The following TRAF3IP3 variants were observed in gnomAD, a reference collection of about 807,000 sequenced individuals.
TRAF3IP3 encodes the protein TRAF3-interacting JNK-activating modulator.
TRAF3IP3 carries 64 observed loss-of-function variants against 86.5 expected under a neutral mutation model. That is an observed-to-expected ratio of 0.74 (90% CI 0.60 to 0.91). The LOEUF is 0.91. Among genes scored for constraint, TRAF3IP3 ranks in the 40% least tolerant of loss-of-function variants. The pLI, the probability that TRAF3IP3 is intolerant of heterozygous loss-of-function variation, is 0.00. For synonymous variants in TRAF3IP3, 220 were observed against 243.9 expected (o/e 0.90, Z 0.91); for missense variants, 579 against 642.9 (o/e 0.90, Z 1.07).
chr1:209,775,189 G>C (rs1490969664), intron 9 of TRAF3IP3, 160 bp from the exon 10 acceptor site: 11 of 680,252 alleles, frequency 1.6e-5, no homozygotes, highest in Admixed American at 1.1e-4. Context: ...ATTGCCTGAG[G>C]GACTCTTCTT....
At chr1:209,763,957 A>T (rs905950397) in intron 8 of TRAF3IP3, among the ~76,000 whole-genome samples, 6 of 152,222 alleles carry the variant, frequency 3.9e-5, no homozygotes, top group Non-Finnish European at 2.9e-5. Flanking sequence ...TATCGAAACC[A>T]GCATGCCATG....
chr1:209,767,482 G>A (rs1192841685), intron 8 of TRAF3IP3, among the ~76,000 whole-genome samples: 1 of 152,092 alleles, frequency 6.6e-6, no homozygotes, highest in Non-Finnish European at 1.5e-5. Context: ...GATCACTTGA[G>A]TGATCAAGAC....
chr1:209,765,290 A>AAGG (rs1558013372), intron 8 of TRAF3IP3, among the ~76,000 whole-genome samples: 15 of 87,952 alleles, frequency 1.7e-4, no homozygotes, highest in East Asian at 1.3e-3. Flanking sequence ...AGGAAGGAAG[A>AAGG]AATTAAGATA....
At chr1:209,761,900 T>C (rs1221407631) in intron 3 of TRAF3IP3, among the ~76,000 whole-genome samples, 1 of 152,100 alleles carries the variant, frequency 6.6e-6, no homozygotes, top group African/African-American at 2.4e-5. Context: ...CAACTAGAGA[T>C]TCTAGAGAGA....
At chr1:209,765,214 G>GAGAGAGT in intron 8 of TRAF3IP3, among the ~76,000 whole-genome samples, 1 of 42,316 alleles carries the variant, frequency 2.4e-5, no homozygotes, top group East Asian at 6.6e-4. Context: ...AGAGAGAGAG[G>GAGAGAGT]GAGAGAGAGA....
intron 6 of TRAF3IP3, 91 bp downstream of exon 6, chr1:209,763,183 G>A (rs1488001998): frequency 1.4e-6 from 2 of 1,476,016 alleles, no homozygotes; most frequent in Admixed American, 1.7e-5. Flanking sequence ...TGGGATGGAG[G>A]GGCATCTTCT....
chr1:209,763,724 G>A lies in TRAF3IP3; in HGVS notation c.702+137G>A, dbSNP rs1571917478. 1.1e-5 allele frequency: 8 copies of A among 716,980 alleles called. No individual in the cohort carries two copies. The East Asian group carries it at 2.2e-4, about 19-fold the overall frequency. 44.4% of individuals were successfully genotyped at this position (716,980 alleles called of 1,614,324 possible). A position where few individuals can be genotyped will look rare whatever the true frequency, so the allele number is the denominator to read the frequency against. ...TAAGCTGGGAAGAGGCAGGAGATGA[G>A]GGGGATGGTGCTCAGACCTAGAAGT... On this transcript the variant is annotated intron_variant, in intron 8 of 16. Coordinates refer to ENST00000367025, the MANE Select transcript of TRAF3IP3 (RefSeq NM_025228.4).
At chr1:209,769,464 GA>G (rs908789799) in intron 8 of TRAF3IP3, among the ~76,000 whole-genome samples, 3 of 152,210 alleles carry the variant, frequency 2.0e-5, no homozygotes, top group African/African-American at 7.2e-5. Flanking sequence ...GAGACGTTAG[GA>G]AAAACATTAA....
rs1383055914 is a variant in TRAF3IP3, at chr1:209,778,130, G to A, written c.1209G>A (p.Glu403=). ...QDLQDQLKRS[E]AEKLTLVTRV... is the part of the protein sequence containing the mutation. ...TTTCAGATCAACTAAAAAGGTCAGA[G>A]GCAGAGAAACTCACCCTGGTGACCA... is the stretch of plus-strand genomic sequence containing the variant. Residue 403 remains glutamate (E), a synonymous_variant, in exon 13 of 17, where the codon GAG becomes GAA. Transcript: ENST00000367025. 1.2e-6 allele frequency: 2 copies of A among 1,614,122 alleles called. No homozygotes were observed. Among genetic ancestry groups the A allele is most frequent in the Non-Finnish European group, 1.7e-6 (2 of 1,179,974 alleles).
intron 3 of TRAF3IP3, among the ~76,000 whole-genome samples, chr1:209,760,756 G>A (rs1275860601): frequency 6.6e-6 from 1 of 152,048 alleles, no homozygotes; most frequent in Non-Finnish European, 1.5e-5. Flanking sequence ...ATAGAGACAA[G>A]ACCCTGTCTC....
intron 1 of TRAF3IP3, chr1:209,758,736 G>A (rs1419131040): frequency 6.6e-6 from 1 of 152,352 alleles, no homozygotes; most frequent in Non-Finnish European, 1.5e-5. Context: ...TCCCTGGTCT[G>A]ACTCCAGTGA....
Position 209,781,372 on chromosome 1 carries a change from A to C in TRAF3IP3, c.1477A>C (p.Asn493His), listed in dbSNP as rs1272856882. Reference protein sequence around the residue: ...ECRELHSELDNLSDEYLSCLR... With the variant: ...ECRELHSELDHLSDEYLSCLR... ...CAGAGAACTGCATTCAGAATTAGAC[A>C]ACCTCAGTGACGAGTATCTCTCCTG... Residue 493 changes from asparagine to histidine, a missense_variant, in exon 16 of 17, where the codon AAC (asparagine) becomes CAC (histidine). Transcript: ENST00000367025. The C allele has an allele frequency of 1.2e-6, 2 of 1,613,414 alleles. No individual in the cohort carries two copies. Among genetic ancestry groups the C allele is most frequent in the Admixed American group, 1.7e-5 (1 of 59,996 alleles).
intron 8 of TRAF3IP3, among the ~76,000 whole-genome samples, chr1:209,770,110 T>C (rs1389341161): frequency 1.3e-5 from 2 of 152,154 alleles, no homozygotes; most frequent in African/African-American, 4.8e-5. Context: ...TGCTCCCCTC[T>C]CGCCCTTGAG....
chr1:209,766,062 C>G (rs1445184333), intron 8 of TRAF3IP3, among the ~76,000 whole-genome samples: 1 of 152,178 alleles, frequency 6.6e-6, no homozygotes, highest in African/African-American at 2.4e-5. Context: ...TGTGTGACAT[C>G]TCACCCTACC....
chr1:209,765,122 C>T (rs561530822), intron 8 of TRAF3IP3, among the ~76,000 whole-genome samples: 1 of 146,974 alleles, frequency 6.8e-6, no homozygotes, highest in South Asian at 2.2e-4. Context: ...TTGCAGTGAG[C>T]GATGATAGTG....
Position 209,781,535 on chromosome 1 carries a change from T to C in TRAF3IP3, c.1563+77T>C, listed in dbSNP as rs1172527829. ...CTTTAACCAAGTTTTGCACATAAAA[T>C]ATATCAGCCCACGCCAACAACTGGC... is the stretch of plus-strand genomic sequence containing the variant. On this transcript the variant is annotated intron_variant, in intron 16 of 16. Transcript: ENST00000367025. 4.6e-6 allele frequency: 5 copies of C among 1,087,124 alleles called. No individual in the cohort carries two copies. In the Admixed American group the frequency reaches 8.8e-5, roughly 19 times the overall value. 67.3% of individuals were successfully genotyped at this position (1,087,124 alleles called of 1,614,324 possible). A position where few individuals can be genotyped will look rare whatever the true frequency, so the allele number is the denominator to read the frequency against.
intron 8 of TRAF3IP3, among the ~76,000 whole-genome samples, chr1:209,763,989 A>T (rs1377759265): frequency 1.3e-5 from 2 of 152,222 alleles, no homozygotes; most frequent in Non-Finnish European, 2.9e-5. Flanking sequence ...TCCGAATAAA[A>T]ATATCAGAGT....
chr1:209,779,730 CCA>C (rs1558032360), intron 14 of TRAF3IP3: 1 of 570,898 alleles, frequency 1.8e-6, no homozygotes, highest in African/African-American at 1.9e-5. Context: ...ACATAGCAGT[CCA>C]GAGTCAACTC....
chr1:209,782,034 C>CT, intron 16 of TRAF3IP3, 22 bp from the exon 17 acceptor site: 1 of 1,603,394 alleles, frequency 6.2e-7, no homozygotes, highest in South Asian at 1.1e-5. Flanking sequence ...CCACTTTCTT[C>CT]TGTCTCCCTG....
Sources: allele counts gnomAD v4.1 joint callset (sites outside exome capture counted in the v4.1 genomes callset), GRCh38; gene constraint gnomAD v4.1.1; transcripts MANE v1.5; gene names NCBI Gene and HGNC (gene_info 2026-07-23, HGNC 2026-07-21).